Variants in MTUS1 observed in about 807,000 individuals in gnomAD.
MTUS1 encodes the protein microtubule associated scaffold protein 1.
MTUS1 carries 109 observed loss-of-function variants against 120.8 expected under a neutral mutation model. The ratio of observed to expected loss-of-function variants is 0.90; its 90% CI spans 0.77 to 1.06. The LOEUF is 1.06. MTUS1 is among the 50% of genes least tolerant of loss of function. MTUS1 has a pLI of 0.00. For synonymous variants in MTUS1, 737 were observed against 550.5 expected, an observed-to-expected ratio of 1.34 and a Z score of -4.74; for missense variants, 2,210 against 1,486.3, an observed-to-expected ratio of 1.49 and a Z score of -8.01.
At position 17,755,790 on chromosome 8, in the gene MTUS1, T is replaced by C. The variant is rs1246819924; in HGVS notation, c.18A>G (p.Ser6=). 1 of 1,613,180 alleles carries C rather than the reference T, an allele frequency of 6.2e-7. No individual in the cohort carries two copies. The highest frequency in any genetic ancestry group is 1.7e-5 in the Admixed American group (1 of 60,006). Residue 6 remains serine, a synonymous_variant, in exon 2 of 15, where the codon TCA becomes TCG. Coordinates refer to ENST00000693296, the MANE Select transcript of MTUS1 (RefSeq NM_001363059.2). MTDDN[S]DDKIEDELQT... is the part of the protein sequence containing the mutation. Reference sequence around the variant, plus strand: ...GCAATTCATCTTCTATTTTATCATCTGAATTATCATCAGTCATCCTGAATA... The same window carrying C: ...GCAATTCATCTTCTATTTTATCATCCGAATTATCATCAGTCATCCTGAATA...
Position 17,749,201 on chromosome 8 carries a change from T to C in MTUS1, c.2091+4516A>G, listed in dbSNP as rs981116648. ...ACCTTAAGACTGATAGAACAGACTCTTTTAAGTCTGATAAGCAACATTTAC... is the reference window on the plus strand; with the variant it reads ...ACCTTAAGACTGATAGAACAGACTCCTTTAAGTCTGATAAGCAACATTTAC... On this transcript the variant is annotated intron_variant, in intron 2 of 14. Transcript: ENST00000693296. Among the ~76,000 whole-genome samples, 10 of 152,180 alleles carry C rather than the reference T, an allele frequency of 6.6e-5. No individual in the cohort carries two copies. The South Asian group carries it at 8.3e-4, about 13-fold the overall frequency.
intron 4 of MTUS1, chr8:17,722,080 T>C: frequency 1.5e-6 from 2 of 1,336,958 alleles, no homozygotes; most frequent in South Asian, 4.4e-5. Flanking sequence ...AGAGACTCAC[T>C]GATTTGAATG....
Position 17,778,267 on chromosome 8 carries a change from C to G in MTUS1, c.-154-22306G>C, listed in dbSNP as rs146039543. On this transcript the variant is annotated intron_variant, in intron 1 of 14. Coordinates refer to ENST00000693296, the MANE Select transcript of MTUS1 (RefSeq NM_001363059.2). ...CACATACGCTAAGCAAAAGACGTCA[C>G]ACACAAAAGTCTCCATACTCTATAA... is the stretch of plus-strand genomic sequence containing the variant. Among the ~76,000 whole-genome samples the G allele has an allele frequency of 1.5e-3, 221 of 152,186 alleles. 1 individual carries two copies. The highest frequency in any genetic ancestry group is 4.9e-3 in the African/African-American group (203 of 41,512).
At chr8:17,647,541 T>G (rs1397507844) in intron 13 of MTUS1, among the ~76,000 whole-genome samples, 9 of 152,210 alleles carry the variant, frequency 5.9e-5, no homozygotes, top group African/African-American at 2.4e-5. Context: ...TACTATGGAC[T>G]TGAACTCAGT....
chr8:17,703,335 T>C (rs1819483231), intron 6 of MTUS1, among the ~76,000 whole-genome samples: 1 of 152,182 alleles, frequency 6.6e-6, no homozygotes, highest in Middle Eastern at 3.4e-3. Flanking sequence ...GTCTGTCCTA[T>C]GCGGTGGAGA....
intron 13 of MTUS1, among the ~76,000 whole-genome samples, chr8:17,648,405 C>G (rs1481254992): frequency 6.6e-6 from 1 of 152,148 alleles, no homozygotes; most frequent in Non-Finnish European, 1.5e-5. Flanking sequence ...ACAGCAAAGT[C>G]TGATTTATTG....
At chr8:17,777,281 A>G (rs1421248302) in intron 1 of MTUS1, among the ~76,000 whole-genome samples, 1 of 152,030 alleles carries the variant, frequency 6.6e-6, no homozygotes, top group African/African-American at 2.4e-5. Context: ...TACTAAAAGT[A>G]CAAAAAAAAT....
At chr8:17,651,131 C>A (rs996285602) in intron 12 of MTUS1, among the ~76,000 whole-genome samples, 4 of 151,006 alleles carry the variant, frequency 2.6e-5, no homozygotes, top group Non-Finnish European at 5.9e-5. Flanking sequence ...ACTAATACAT[C>A]TTTAATTCTA....
Position 17,753,872 on chromosome 8 carries a change from C to T in MTUS1, c.1936G>A (p.Glu646Lys). Residue 646 changes from glutamate (E) to lysine (K), a missense_variant, in exon 2 of 15, where the codon GAA becomes AAA. Physicochemically the swap from Glu to Lys is moderately conservative, Grantham distance 56. Coordinates refer to ENST00000693296, the MANE Select transcript of MTUS1 (RefSeq NM_001363059.2). Reference sequence around the variant, plus strand: ...GTCATTTCCAAACATTCTGCACTTTCCATTTTAACAGGGAGTATGCCTTTG... The same window carrying T: ...GTCATTTCCAAACATTCTGCACTTTTCATTTTAACAGGGAGTATGCCTTTG... ...KIKGILPVKMESAECLEMTYV... is the reference protein window; with the variant it reads ...KIKGILPVKMKSAECLEMTYV... 6.2e-7 allele frequency: 1 copy of T among 1,614,174 alleles called. No homozygotes were observed. The highest frequency in any genetic ancestry group is 8.5e-7 in the Non-Finnish European group (1 of 1,180,030).
At chr8:17,765,295 C>A (rs141204206) in intron 1 of MTUS1, among the ~76,000 whole-genome samples, 1 of 152,098 alleles carries the variant, frequency 6.6e-6, no homozygotes. Flanking sequence ...TAACAGGCCA[C>A]AGCCCAGGAA....
At position 17,771,128 on chromosome 8, in the gene MTUS1, T is replaced by C. The variant is rs186435928; in HGVS notation, c.-154-15167A>G. On this transcript the variant is annotated intron_variant, in intron 1 of 14. Coordinates refer to ENST00000693296, the MANE Select transcript of MTUS1 (RefSeq NM_001363059.2). The stretch of plus-strand genomic sequence containing the variant: ...ACTAATTACCTATACCAATAAGTTC[T>C]TAGGAGTGTTATATCCTTTAAACTT... Among the ~76,000 whole-genome samples, 134 of 152,322 alleles carry C rather than the reference T, an allele frequency of 8.8e-4. 1 individual carries two copies. The highest frequency in any genetic ancestry group is 3.1e-3 in the African/African-American group (129 of 41,576).
At chr8:17,782,763 C>A (rs1044330604) in intron 1 of MTUS1, among the ~76,000 whole-genome samples, 6 of 152,146 alleles carry the variant, frequency 3.9e-5, no homozygotes, top group African/African-American at 1.4e-4. Flanking sequence ...CAGGTTTCTA[C>A]TGGCAACATT....
Position 17,645,738 on chromosome 8 carries a change from G to A in MTUS1, c.*188C>T, listed in dbSNP as rs879528634. 3.1e-5 allele frequency: 20 copies of A among 636,746 alleles called. No homozygotes were observed. Among genetic ancestry groups the A allele is most frequent in the Non-Finnish European group, 4.1e-5 (17 of 414,932 alleles). 39.4% of individuals were successfully genotyped at this position (636,746 alleles called of 1,614,324 possible). ...CTTTTTTTGGAGGAATCTTTTGGAC[G>A]GAGGCAAAAGTCTTCCTCCAGAGTT... On this transcript the variant is annotated 3_prime_UTR_variant, in exon 15 of 15. Coordinates refer to ENST00000693296, the MANE Select transcript of MTUS1 (RefSeq NM_001363059.2).
intron 1 of MTUS1, 123 bp downstream of exon 1, chr8:17,800,938 A>T (rs2052636277): frequency 6.7e-6 from 1 of 150,012 alleles, no homozygotes; most frequent in African/African-American, 2.5e-5. Context: ...TTCGGCCCCC[A>T]GGCCCCTGGA....
intron 2 of MTUS1, among the ~76,000 whole-genome samples, chr8:17,745,267 T>G (rs765447050): frequency 6.6e-6 from 1 of 152,324 alleles, no homozygotes; most frequent in East Asian, 1.9e-4. Context: ...TCAAAATCCA[T>G]GGACACTCAA....
intron 2 of MTUS1, among the ~76,000 whole-genome samples, chr8:17,748,442 T>C (rs1371602108): frequency 6.6e-6 from 1 of 152,120 alleles, no homozygotes; most frequent in East Asian, 1.9e-4. Context: ...CAACTTTGGG[T>C]ACCCAAAAAA....
chr8:17,713,108 A>C (rs1821655548), intron 6 of MTUS1, 106 bp downstream of exon 6: 1 of 933,096 alleles, frequency 1.1e-6, no homozygotes, highest in Non-Finnish European at 1.7e-6. Context: ...CTCAAATTGG[A>C]AATTCTACTT....
At chr8:17,741,933 G>A (rs1240178535) in intron 3 of MTUS1, among the ~76,000 whole-genome samples, 2 of 152,138 alleles carry the variant, frequency 1.3e-5, no homozygotes, top group African/African-American at 4.8e-5. Flanking sequence ...AGCGTATTGG[G>A]GCCAGAGTGG....
At chr8:17,704,457 G>C (rs1444861902) in intron 6 of MTUS1, among the ~76,000 whole-genome samples, 2 of 152,122 alleles carry the variant, frequency 1.3e-5, no homozygotes. Context: ...TGTACTGTGT[G>C]AGATAAGGGT....
Sources: allele counts gnomAD v4.1 joint callset (sites outside exome capture counted in the v4.1 genomes callset), GRCh38; gene constraint gnomAD v4.1.1; transcripts MANE v1.5; gene names NCBI Gene and HGNC (gene_info 2026-07-23, HGNC 2026-07-21).